Variants in ZFHX4 observed in about 807,000 individuals in gnomAD.
ZFHX4 encodes zinc finger homeobox protein 4.
In ZFHX4, 56 loss-of-function variants were observed where a neutral mutation model predicts 267.6. The ratio of observed to expected loss-of-function variants is 0.21; its 90% CI spans 0.17 to 0.26. The LOEUF (loss-of-function observed/expected upper bound fraction) is 0.26, where lower values mean the gene tolerates loss of function less well. Among genes scored for constraint, ZFHX4 ranks in the 10% least tolerant of loss-of-function variants. ZFHX4 has a pLI of 1.00. For synonymous variants in ZFHX4, 1,778 were observed against 1,665.6 expected, an observed-to-expected ratio of 1.07 and a Z score of -1.64; for missense variants, 4,332 against 4,420.0, an observed-to-expected ratio of 0.98 and a Z score of 0.56.
chr8:76,762,911 A>G (rs1325852491), intron 3 of ZFHX4, among the ~76,000 whole-genome samples: 1 of 152,222 alleles, frequency 6.6e-6, no homozygotes, highest in Admixed American at 6.5e-5. Flanking sequence ...AAGATACTTG[A>G]GAAGCAAAGA....
chr8:76,708,319 G>A (rs989323332), intron 3 of ZFHX4: 8 of 468,522 alleles, frequency 1.7e-5, no homozygotes, highest in Non-Finnish European at 2.7e-5. Context: ...GAATTTGGGG[G>A]ATAGTGTTAT....
intron 4 of ZFHX4, among the ~76,000 whole-genome samples, chr8:76,799,096 G>A (rs1025870374): frequency 6.6e-6 from 1 of 152,138 alleles, no homozygotes; most frequent in Admixed American, 6.6e-5. Context: ...AATAACTTAC[G>A]AAGAAGTGTC....
At chr8:76,809,847 A>T (rs1811331052) in intron 4 of ZFHX4, among the ~76,000 whole-genome samples, 1 of 152,180 alleles carries the variant, frequency 6.6e-6, no homozygotes, top group Non-Finnish European at 1.5e-5. Flanking sequence ...AATATAAAAT[A>T]ACCCAGAGTT....
At position 76,849,525 on chromosome 8, in the gene ZFHX4, C is replaced by G. The variant is rs1428329339; in HGVS notation, c.3659C>G (p.Pro1220Arg). 1.9e-6 allele frequency: 3 copies of G among 1,612,994 alleles called. No individual in the cohort carries two copies. The African/African-American group carries it at 4.0e-5, about 22-fold the overall frequency. ...KFCHEQFYQC[P>R]YCNYNSRDQS... ...AATATTTTCCAGTTCTATCAATGTC[C>G]TTATTGTAACTACAATAGTAGGGAC... The change falls in exon 8 of 11, where the codon CCT (proline) becomes CGT (arginine). Residue 1220 changes from proline (P) to arginine (R), a missense_variant. Physicochemically the swap from Pro to Arg is moderately radical, Grantham distance 103. Around this residue, in one of 7 missense-constraint regions of ZFHX4, gnomAD observed 1,371 missense variants for 1,423.1 expected, o/e 0.96. Transcript: ENST00000651372.
At chr8:76,815,872 T>C (rs1324024345) in intron 4 of ZFHX4, among the ~76,000 whole-genome samples, 2 of 152,172 alleles carry the variant, frequency 1.3e-5, no homozygotes, top group African/African-American at 4.8e-5. Context: ...GGGGCTAGGA[T>C]TTCAACATAT....
At chr8:76,835,718 A>G (rs947842090) in intron 5 of ZFHX4, among the ~76,000 whole-genome samples, 7 of 152,098 alleles carry the variant, frequency 4.6e-5, no homozygotes, top group Non-Finnish European at 1.0e-4. Context: ...CAATGAAAAG[A>G]TTTCATTAAT....
intron 4 of ZFHX4, among the ~76,000 whole-genome samples, chr8:76,822,451 TC>T (rs1563541919): frequency 1.4e-5 from 2 of 141,346 alleles, no homozygotes; most frequent in Non-Finnish European, 3.0e-5. Flanking sequence ...TGTGTCTACC[TC>T]TTTTTTTTTT....
Position 76,707,793 on chromosome 8 carries a change from G to A in ZFHX4, c.2838G>A (p.Lys946=), listed in dbSNP as rs779195682. 2 of 1,614,026 alleles carry A rather than the reference G, an allele frequency of 1.2e-6. No individual in the cohort carries two copies. Among genetic ancestry groups the A allele is most frequent in the Non-Finnish European group, 1.7e-6 (2 of 1,179,960 alleles). ...TAATTGGAGATATCTACCAGTGCAA[G>A]CTCTGCAACTACAACACTCAGCTCA... ...RAVIGDIYQC[K]LCNYNTQLKA... is the part of the protein sequence containing the mutation. The change falls in exon 3 of 11, where the codon AAG becomes AAA. Residue 946 remains lysine (K), a synonymous_variant. Coordinates refer to ENST00000651372, the MANE Select transcript of ZFHX4 (RefSeq NM_024721.5).
In ZFHX4 at chr8:76,853,230, C is replaced by T. The variant is rs781387338; in HGVS notation, c.6309C>T (p.Asp2103=). 77 of 1,572,696 alleles carry T rather than the reference C, an allele frequency of 4.9e-5. No homozygotes were observed. The highest frequency in any genetic ancestry group is 2.8e-4 in the Admixed American group (15 of 53,094). The stretch of plus-strand genomic sequence containing the variant: ...TTGCCCTGCAGCTGCCACAGATGGA[C>T]GCACTCTCTGCAGACCTCACCCAAC... ...PQLALQLPQM[D]ALSADLTQLC... The change falls in exon 10 of 11, where the codon GAC becomes GAT. Residue 2103 remains aspartate (D), a synonymous_variant. Coordinates refer to ENST00000651372, the MANE Select transcript of ZFHX4 (RefSeq NM_024721.5).
At chr8:76,848,227 CA>C (rs1271953765) in intron 6 of ZFHX4, among the ~76,000 whole-genome samples, 2 of 152,118 alleles carry the variant, frequency 1.3e-5, no homozygotes, top group Admixed American at 6.5e-5. Flanking sequence ...GATTATCGGG[CA>C]AATTGATGCT....
Position 76,704,595 on chromosome 8 carries a change from CCTGGCATCTG to C in ZFHX4, c.512_521del (p.Ala171GlufsTer44). On this transcript the variant is annotated frameshift_variant, in exon 2 of 11. Transcript: ENST00000651372. LOFTEE classifies it high-confidence loss of function. The stretch of plus-strand genomic sequence containing the variant: ...TTTCTACAGCGATGTTCCTGGACTC[CCTGGCATCTG>C]CTGGAGAGAAGAGTGATCAGTCTGC... 1 of 1,613,960 alleles carries C rather than the reference CCTGGCATCTG, an allele frequency of 6.2e-7. No individual in the cohort carries two copies.
chr8:76,853,293 A>G lies in ZFHX4; in HGVS notation c.6372A>G (p.Leu2124=). The change falls in exon 10 of 11, where the codon TTA becomes TTG. Residue 2124 remains leucine, a synonymous_variant. Coordinates refer to ENST00000651372, the MANE Select transcript of ZFHX4 (RefSeq NM_024721.5). ...AGCTCGGATTAGATCCCAACTTCTTAAGACATTCTCAGTTCAAACGCCCAC... is the reference window on the plus strand; with the variant it reads ...AGCTCGGATTAGATCCCAACTTCTTGAGACATTCTCAGTTCAAACGCCCAC... ...QQQLGLDPNF[L]RHSQFKRPRT... The G allele has an allele frequency of 6.2e-7, 1 of 1,609,886 alleles. No homozygotes were observed.
At chr8:76,753,519 A>G (rs1809677924) in intron 3 of ZFHX4, among the ~76,000 whole-genome samples, 1 of 151,864 alleles carries the variant, frequency 6.6e-6, no homozygotes, top group African/African-American at 2.4e-5. Flanking sequence ...CTTTTGCTAC[A>G]TCTCTCTGCC....
chr8:76,801,706 A>G (rs1210438357), intron 4 of ZFHX4, among the ~76,000 whole-genome samples: 1 of 152,208 alleles, frequency 6.6e-6, no homozygotes, highest in Non-Finnish European at 1.5e-5. Context: ...ATGTGCGGTT[A>G]GGAGTGTGCT....
At chr8:76,712,813 A>T (rs577837828) in intron 3 of ZFHX4, among the ~76,000 whole-genome samples, 16 of 152,298 alleles carry the variant, frequency 1.1e-4, no homozygotes, top group Admixed American at 9.2e-4. Flanking sequence ...CAAGGTTGAA[A>T]TGCAGTGTGA....
chr8:76,860,600 A>G (rs2131974138), intron 10 of ZFHX4, among the ~76,000 whole-genome samples: 1 of 152,190 alleles, frequency 6.6e-6, no homozygotes, highest in South Asian at 2.1e-4. Context: ...GGGTAAAATT[A>G]TTTATGAGGA....
chr8:76,852,768 A>G lies in ZFHX4; in HGVS notation c.5847A>G (p.Gly1949=). The change falls in exon 10 of 11, where the codon GGA becomes GGG. Residue 1949 remains glycine (G), a synonymous_variant. Coordinates refer to ENST00000651372, the MANE Select transcript of ZFHX4 (RefSeq NM_024721.5). ...AAAACACTGACAAACTAGAATGTGG[A>G]ACATGTGGTAAATTGTTTTCCAATG... The part of the protein sequence containing the change: ...EGENTDKLEC[G]TCGKLFSNVL... 1 of 1,613,596 alleles carries G rather than the reference A, an allele frequency of 6.2e-7. No individual in the cohort carries two copies. The highest frequency in any genetic ancestry group is 8.5e-7 in the Non-Finnish European group (1 of 1,179,720).
intron 4 of ZFHX4, among the ~76,000 whole-genome samples, chr8:76,803,119 T>G (rs1181074773): frequency 6.6e-6 from 1 of 152,078 alleles, no homozygotes; most frequent in Non-Finnish European, 1.5e-5. Flanking sequence ...GTAAGCAATA[T>G]CCATTTAACA....
chr8:76,782,532 G>A (rs376632797), intron 4 of ZFHX4, among the ~76,000 whole-genome samples: 1 of 151,946 alleles, frequency 6.6e-6, no homozygotes, highest in Admixed American at 6.6e-5. Flanking sequence ...TCTTAATTCA[G>A]TATATTACAT....
Sources: allele counts gnomAD v4.1 joint callset (sites outside exome capture counted in the v4.1 genomes callset), GRCh38; gene constraint gnomAD v4.1.1; regional missense constraint gnomAD v4.1.1; transcripts MANE v1.5; gene names NCBI Gene and HGNC (gene_info 2026-07-23, HGNC 2026-07-21).